SPG11: variants seen among roughly 807,000 people sequenced by gnomAD.
The protein encoded by SPG11 is SPG11 vesicle trafficking associated, spatacsin.
Under a neutral mutation model 274.0 loss-of-function variants are expected in SPG11, and 222 were observed. That is an observed-to-expected ratio of 0.81 (90% CI 0.73 to 0.91). The LOEUF is 0.91. Ranked by LOEUF, SPG11 falls within the 40% of genes least tolerant of loss-of-function variation. The pLI is 0.00. For synonymous variants in SPG11, 1,144 were observed against 1,039.7 expected (o/e 1.10, Z -1.93); for missense variants, 3,114 against 2,872.7 (o/e 1.08, Z -1.92).
chr15:44,638,381 A>C (rs963984922), intron 7 of SPG11, among the ~76,000 whole-genome samples: 1 of 152,118 alleles, frequency 6.6e-6, no homozygotes, highest in African/African-American at 2.4e-5. Flanking sequence ...AATCGCTTGA[A>C]CACAGGAGGT....
At chr15:44,592,023 A>G (rs935160195) in intron 27 of SPG11, among the ~76,000 whole-genome samples, 1 of 151,768 alleles carries the variant, frequency 6.6e-6, no homozygotes, top group Non-Finnish European at 1.5e-5. Flanking sequence ...AGGCAGGAGA[A>G]TCGCTTGAAC....
intron 14 of SPG11, chr15:44,621,550 AT>A (rs921982023): frequency 3.8e-4 from 206 of 547,980 alleles, no homozygotes; most frequent in Non-Finnish European, 5.1e-4. Flanking sequence ...TCAATTAACT[AT>A]TTTTTTCTTT....
chr15:44,661,217 T>C (rs892697722), intron 1 of SPG11, among the ~76,000 whole-genome samples: 10 of 152,332 alleles, frequency 6.6e-5, no homozygotes, highest in African/African-American at 2.2e-4. Flanking sequence ...AACAGCCACA[T>C]GTAGCTAATG....
intron 29 of SPG11, among the ~76,000 whole-genome samples, chr15:44,584,948 C>A (rs926228263): frequency 6.6e-6 from 1 of 152,088 alleles, no homozygotes; most frequent in African/African-American, 2.4e-5. Context: ...TTGTTAAAAC[C>A]AAATCAAATC....
intron 38 of SPG11, among the ~76,000 whole-genome samples, chr15:44,565,460 T>C (rs567096396): frequency 1.5e-4 from 23 of 152,308 alleles, no homozygotes; most frequent in Middle Eastern, 3.4e-3. Flanking sequence ...TATAAAAATA[T>C]AGTCCTGTCA....
At chr15:44,629,853 T>C (rs1170598995) in intron 8 of SPG11, among the ~76,000 whole-genome samples, 1 of 151,768 alleles carries the variant, frequency 6.6e-6, no homozygotes, top group Non-Finnish European at 1.5e-5. Flanking sequence ...AGCAGATCAC[T>C]TGAGGTCAGG....
chr15:44,584,400 A>G lies in SPG11; in HGVS notation c.5280T>C (p.Cys1760=). ...SFFSTQAHVA[C]EHPTGWSSME... ...TGCTGCTCCATCCAGTTGGGTGCTC[A>G]CATGCCACATGGGCCTGGGTTGAGA... Residue 1760 remains cysteine, a synonymous_variant, in exon 30 of 40, where the codon TGT becomes TGC. Coordinates refer to ENST00000261866, the MANE Select transcript of SPG11 (RefSeq NM_025137.4). 1 of 1,614,102 alleles carries G rather than the reference A, an allele frequency of 6.2e-7. No homozygotes were observed. Among genetic ancestry groups the G allele is most frequent in the African/African-American group, 1.3e-5 (1 of 75,054 alleles).
At chr15:44,591,085 C>T (rs1046326663) in intron 27 of SPG11, 4 of 152,226 alleles carry the variant, frequency 2.6e-5, no homozygotes, top group African/African-American at 9.6e-5. Context: ...CCTATGTGGT[C>T]CTCCCTGTCC....
chr15:44,607,313 G>A (rs182255699), intron 19 of SPG11, among the ~76,000 whole-genome samples: 4 of 152,206 alleles, frequency 2.6e-5, no homozygotes, highest in East Asian at 1.9e-4. Context: ...ACGGGGTCTC[G>A]CTCTGTTGCC....
At chr15:44,566,044 A>G (rs1212565356) in intron 37 of SPG11, 35 bp from the exon 38 acceptor site, 6 of 1,612,790 alleles carry the variant, frequency 3.7e-6, no homozygotes, top group Non-Finnish European at 5.1e-6. Flanking sequence ...CAGTAGAGAA[A>G]GACCTAGTTG....
rs2082448894 is a variant in SPG11 at position 44,572,743 on chromosome 15, A to G, written c.6283T>C (p.Leu2095=). 3 of 1,614,014 alleles carry G rather than the reference A, an allele frequency of 1.9e-6. No homozygotes were observed. Among genetic ancestry groups the G allele is most frequent in the Non-Finnish European group, 2.5e-6 (3 of 1,179,922 alleles). ...QLTTLCQDRT[L]VGMKLLDKIS... ...TTATCCAACAACTTCATGCCTACCA[A>G]TGTGCGGTCTTGACACAGAGTGGTC... The change falls in exon 33 of 40, where the codon TTG becomes CTG. Residue 2095 remains leucine, a synonymous_variant. Coordinates refer to ENST00000261866, the MANE Select transcript of SPG11 (RefSeq NM_025137.4).
At chr15:44,563,722 T>A (rs1399087063) in intron 39 of SPG11, among the ~76,000 whole-genome samples, 1 of 151,934 alleles carries the variant, frequency 6.6e-6, no homozygotes, top group Non-Finnish European at 1.5e-5. Flanking sequence ...TGTGAACTCC[T>A]GGGCTCAGCT....
intron 23 of SPG11, among the ~76,000 whole-genome samples, chr15:44,597,467 A>G (rs1158666006): frequency 1.3e-5 from 2 of 152,194 alleles, no homozygotes; most frequent in Non-Finnish European, 2.9e-5. Flanking sequence ...GCATACTGGC[A>G]CAATTCATTC....
rs776275517 is a variant in SPG11 at position 44,651,592 on chromosome 15, A to G, written c.1355T>C (p.Leu452Pro). 4 of 1,614,204 alleles carry G rather than the reference A, an allele frequency of 2.5e-6. No individual in the cohort carries two copies. The highest frequency in any genetic ancestry group is 2.5e-6 in the Non-Finnish European group (3 of 1,180,024). The change falls in exon 6 of 40, where the codon CTC becomes CCC. Residue 452 changes from leucine (L) to proline (P), a missense_variant. Physicochemically the swap from Leu to Pro is moderately conservative, Grantham distance 98 (BLOSUM62 -3). Coordinates refer to ENST00000261866, the MANE Select transcript of SPG11 (RefSeq NM_025137.4). ...EVERMGYTIT[L>P]WDLETQGMQC... ...CATGCCCTGGGTCTCCAAATCCCAG[A>G]GGGTAATGGTATAGCCCATCCTTTC...
chr15:44,620,036 C>G, intron 15 of SPG11, 154 bp downstream of exon 15: 1 of 704,460 alleles, frequency 1.4e-6, no homozygotes. Context: ...GATTTTAAAA[C>G]CTCACTGTAA....
intron 7 of SPG11, among the ~76,000 whole-genome samples, chr15:44,638,629 C>T (rs1305649536): frequency 1.3e-5 from 2 of 151,966 alleles, no homozygotes; most frequent in Non-Finnish European, 2.9e-5. Context: ...GTTTAGGGCA[C>T]AAAGGAGCTC....
rs181702715 is a variant in SPG11, at chr15:44,564,718, A to G, written c.7000-20T>C. 8.7e-5 allele frequency: 140 copies of G among 1,614,108 alleles called. No individual in the cohort carries two copies. The Admixed American group carries it at 1.3e-3, about 15-fold the overall frequency. On this transcript the variant is annotated intron_variant, in intron 38 of 39. Coordinates refer to ENST00000261866, the MANE Select transcript of SPG11 (RefSeq NM_025137.4). The stretch of plus-strand genomic sequence containing the variant: ...AGAAGCCTTAAAAGGAGAGGTGAAG[A>G]AGGACACCATCAGAGCCCATCTGAT...
rs1403957064 is a variant in SPG11, at chr15:44,570,554, G to C, written c.6448C>G (p.Leu2150Val). The change falls in exon 34 of 40, where the codon CTG becomes GTG. Residue 2150 changes from leucine to valine, a missense_variant. Transcript: ENST00000261866. ...AGCCCATACTCCTCACTGGGGGCCA[G>C]GTGGTTATCTGTGAGCATGTGGGCG... ...QAAHMLTDNH[L>V]APSEEYGLVV... 1 of 1,614,168 alleles carries C rather than the reference G, an allele frequency of 6.2e-7. No individual in the cohort carries two copies. Among genetic ancestry groups the C allele is most frequent in the African/African-American group, 1.3e-5 (1 of 75,062 alleles).
chr15:44,567,593 C>G lies in SPG11; in HGVS notation c.6586-1G>C. 2.5e-6 allele frequency: 4 copies of G among 1,613,984 alleles called. No homozygotes were observed. Among genetic ancestry groups the G allele is most frequent in the Non-Finnish European group, 3.4e-6 (4 of 1,179,944 alleles). ...GCAGGGCTGTTTTCAGGGTACCACT[C>G]TGCCCAGAATAAAAGGGAAAAAGCA... On this transcript the variant is annotated splice_acceptor_variant, in intron 35 of 39. Coordinates refer to ENST00000261866, the MANE Select transcript of SPG11 (RefSeq NM_025137.4). LOFTEE classifies it high-confidence loss of function.
Sources: gnomAD v4.1 joint callset for allele counts (sites outside exome capture counted in the v4.1 genomes callset) on GRCh38, gnomAD v4.1.1 for gene constraint, MANE v1.5 for transcripts, NCBI Gene and HGNC (gene_info 2026-07-23, HGNC 2026-07-21) for gene names.